Variants in USP9X observed in about 807,000 individuals in gnomAD.
The protein encoded by USP9X is ubiquitin specific peptidase 9 X-linked.
Under a neutral mutation model 190.3 loss-of-function variants are expected in USP9X, and 7 were observed. The observed-to-expected ratio is 0.04, with a 90% CI of 0.02 to 0.07. The LOEUF is 0.07. USP9X is among the 10% of genes least tolerant of loss of function. The pLI, the probability that USP9X is intolerant of heterozygous loss-of-function variation, is 1.00. For synonymous variants in USP9X, 645 were observed against 659.5 expected, an observed-to-expected ratio of 0.98 and a Z score of 0.34; for missense variants, 1,010 against 1,916.9, an observed-to-expected ratio of 0.53 and a Z score of 8.83.
chrX:41,197,352 C>CCCCCGGG lies in USP9X; in HGVS notation c.4234-12_4234-11insCCCCGGG. 3.0e-6 allele frequency: 3 copies of CCCCCGGG among 988,186 alleles called. No individual in the cohort carries two copies. Among genetic ancestry groups the CCCCCGGG allele is most frequent in the Non-Finnish European group, 4.0e-6 (3 of 759,358 alleles). 81.4% of individuals were successfully genotyped at this position (988,186 alleles called of 1,213,427 possible). The stretch of plus-strand genomic sequence containing the variant: ...TTCTTCCCCCCCCCACCCCACCCCC[C>CCCCCGGG]GCCTTTGGCAGGATGATGTTAAAAG... On this transcript the variant is annotated splice_polypyrimidine_tract_variant and intron_variant, in intron 28 of 44. Transcript: ENST00000378308.
intron 29 of USP9X, 127 bp downstream of exon 29, chrX:41,197,637 CTT>C: frequency 1.6e-6 from 1 of 619,834 alleles, no homozygotes; most frequent in Non-Finnish European, 2.3e-6. Context: ...TTTTAAGAAT[CTT>C]TATCAAATTT....
chrX:41,185,716 CAG>C (rs2062867765), intron 23 of USP9X, among the ~76,000 whole-genome samples: 1 of 108,903 alleles, frequency 9.2e-6, no homozygotes, highest in African/African-American at 3.3e-5. Flanking sequence ...AGGATAAAAA[CAG>C]ATTTTTGTCA....
intron 1 of USP9X, among the ~76,000 whole-genome samples, chrX:41,095,426 C>G (rs2061982661): frequency 8.9e-6 from 1 of 112,364 alleles, no homozygotes; most frequent in Admixed American, 9.4e-5. Flanking sequence ...TGCTGTCCTA[C>G]TCAGCCCTGG....
At chrX:41,159,715 G>A (rs1050884736) in intron 14 of USP9X, among the ~76,000 whole-genome samples, 1 of 110,210 alleles carries the variant, frequency 9.1e-6, no homozygotes, top group Non-Finnish European at 1.9e-5. Context: ...TTGTAGAAAC[G>A]GTTTCGCCAT....
intron 6 of USP9X, among the ~76,000 whole-genome samples, chrX:41,137,618 T>C (rs1450669469): frequency 9.0e-6 from 1 of 111,251 alleles, no homozygotes; most frequent in Non-Finnish European, 1.9e-5. Context: ...TTTAATATTA[T>C]AGGTCTTGTA....
Position 41,210,614 on chromosome X carries a change from A to G in USP9X, c.5121A>G (p.Pro1707=). 8.3e-7 allele frequency: 1 copy of G among 1,211,309 alleles called. No homozygotes were observed. The highest frequency in any genetic ancestry group is 1.1e-6 in the Non-Finnish European group (1 of 895,517). ...LDEALKALGH[P]AMLSKVLGGS... ...AAGCTTTAAAAGCTTTAGGACATCC[A>G]GCTATGCTAAGTAAAGTCTTAGGAG... Residue 1707 remains proline (P), a synonymous_variant, in exon 33 of 45, where the codon CCA becomes CCG. Coordinates refer to ENST00000378308, the MANE Select transcript of USP9X (RefSeq NM_001039591.3).
intron 12 of USP9X, among the ~76,000 whole-genome samples, chrX:41,149,530 A>G (rs975273777): frequency 1.8e-5 from 2 of 109,463 alleles, no homozygotes; most frequent in Admixed American, 9.9e-5. Context: ...ACTGTTGTCA[A>G]AGTGTACATT....
At chrX:41,144,665 A>C (rs892718707) in intron 11 of USP9X, 39 bp downstream of exon 11, 3 of 1,026,102 alleles carry the variant, frequency 2.9e-6, no homozygotes, top group African/African-American at 3.8e-5. Context: ...ATTCTATTTC[A>C]AATAGAATTG....
In USP9X at chrX:41,210,797, C is replaced by T. The variant is rs780655056; in HGVS notation, c.5189+115C>T. 79 of 744,086 alleles carry T rather than the reference C, an allele frequency of 1.1e-4. No homozygotes were observed. The South Asian group carries it at 2.0e-3, about 19-fold the overall frequency. The allele number at this position is 744,086 out of a possible 1,213,427, so 61.3% of individuals were successfully genotyped here. A position where few individuals can be genotyped will look rare whatever the true frequency, so the allele number is the denominator to read the frequency against. On this transcript the variant is annotated intron_variant, in intron 33 of 44. Transcript: ENST00000378308. Reference sequence around the variant, plus strand: ...GGAGTATATCACTGATTACTAAATACCTGAAACAGAATGATTTATATACTT... The same window carrying T: ...GGAGTATATCACTGATTACTAAATATCTGAAACAGAATGATTTATATACTT...
rs2302379 is a variant in USP9X at position 41,201,268 on chromosome X, G to A, written c.4812G>A (p.Lys1604=). ...ATGATGATATGTCTGGGGATGAGAA[G>A]CAGGACAATGAGGTAAATTTGAGTT... ...DVDDDMSGDE[K]QDNESNVDPR... Residue 1604 remains lysine, a synonymous_variant, in exon 31 of 45, where the codon AAG becomes AAA. Coordinates refer to ENST00000378308, the MANE Select transcript of USP9X (RefSeq NM_001039591.3). 3.3e-4 allele frequency: 398 copies of A among 1,206,950 alleles called. 1 individual carries two copies. In the East Asian group the frequency reaches 0.012, roughly 35 times the overall value.
At chrX:41,096,185 G>T (rs2061990210) in intron 1 of USP9X, among the ~76,000 whole-genome samples, 2 of 112,529 alleles carry the variant, frequency 1.8e-5, no homozygotes, top group Admixed American at 1.9e-4. Context: ...CAAAGCACAA[G>T]TGTCATCTTC....
chrX:41,121,451 G>A (rs947193536), intron 1 of USP9X, among the ~76,000 whole-genome samples: 2 of 111,719 alleles, frequency 1.8e-5, no homozygotes, highest in Non-Finnish European at 3.8e-5. Flanking sequence ...AGAGCACTTC[G>A]AAACTTCCTG....
intron 1 of USP9X, among the ~76,000 whole-genome samples, chrX:41,114,873 C>CT (rs1332392842): frequency 9.0e-6 from 1 of 110,771 alleles, no homozygotes; most frequent in Non-Finnish European, 1.9e-5. Flanking sequence ...TCTTTATGAT[C>CT]AGTAAGGCTT....
chrX:41,108,149 C>T (rs1241337361), intron 1 of USP9X, among the ~76,000 whole-genome samples: 9 of 111,950 alleles, frequency 8.0e-5, no homozygotes, highest in African/African-American at 2.9e-4. Context: ...TATGTAGTGA[C>T]TGGCTGAACT....
In USP9X at chrX:41,085,841, G is replaced by A. The variant is rs2061905365; in HGVS notation, c.-427G>A. ...CTCAGCGAGAGCCCCAGCCTGAGGGGAGAAGGGGAAGAGGGCCGTCGCCGG... is the reference window on the plus strand; with the variant it reads ...CTCAGCGAGAGCCCCAGCCTGAGGGAAGAAGGGGAAGAGGGCCGTCGCCGG... On this transcript the variant is annotated 5_prime_UTR_variant, in exon 1 of 45. Coordinates refer to ENST00000378308, the MANE Select transcript of USP9X (RefSeq NM_001039591.3). The A allele has an allele frequency of 1.7e-5, 5 of 297,741 alleles. No homozygotes were observed. Among genetic ancestry groups the A allele is most frequent in the Non-Finnish European group, 2.9e-5 (5 of 170,836 alleles). The allele number at this position is 297,741 out of a possible 1,213,427, so 24.5% of individuals were successfully genotyped here. A position where few individuals can be genotyped will look rare whatever the true frequency, so the allele number is the denominator to read the frequency against.
At chrX:41,183,921 G>T in intron 21 of USP9X, 77 bp from the exon 22 acceptor site, 1 of 1,076,969 alleles carries the variant, frequency 9.3e-7, no homozygotes, top group East Asian at 3.3e-5. Flanking sequence ...ATATTAGTAT[G>T]GTCTTCAAGA....
At chrX:41,215,012 G>A (rs1359669399) in intron 34 of USP9X, among the ~76,000 whole-genome samples, 2 of 111,540 alleles carry the variant, frequency 1.8e-5, no homozygotes, top group Admixed American at 9.5e-5. Context: ...CATCTCTACC[G>A]AGAAACAAAT....
At chrX:41,090,462 T>C (rs900293347) in intron 1 of USP9X, among the ~76,000 whole-genome samples, 5 of 112,436 alleles carry the variant, frequency 4.4e-5, no homozygotes, top group African/African-American at 1.3e-4. Flanking sequence ...TAAAATTTAT[T>C]CTTCAAAGAT....
chrX:41,095,916 A>G (rs2061987450), intron 1 of USP9X, among the ~76,000 whole-genome samples: 1 of 111,837 alleles, frequency 8.9e-6, no homozygotes, highest in Non-Finnish European at 1.9e-5. Flanking sequence ...GAATAAAGGA[A>G]GGAGATCAAT....
Sources: allele counts gnomAD v4.1 joint callset (sites outside exome capture counted in the v4.1 genomes callset), GRCh38; gene constraint gnomAD v4.1.1; transcripts MANE v1.5; gene names NCBI Gene and HGNC (gene_info 2026-07-23, HGNC 2026-07-21).